The following TBCA variants were observed in gnomAD, a reference collection of about 807,000 sequenced individuals.
TBCA encodes tubulin-specific chaperone A.
A neutral mutation model predicts 15.8 loss-of-function variants in TBCA; 6 were observed. The observed-to-expected ratio is 0.38, with a 90% CI of 0.21 to 0.75. The LOEUF is 0.75. Ranked by LOEUF, TBCA falls within the 30% of genes least tolerant of loss-of-function variation. The pLI, the probability that TBCA is intolerant of heterozygous loss-of-function variation, is 0.46. For synonymous variants in TBCA, 32 were observed against 42.3 expected (o/e 0.76, Z 0.94); for missense variants, 90 against 131.2 (o/e 0.69, Z 1.53).
chr5:77,747,401 A>G (rs182211699), intron 1 of TBCA, among the ~76,000 whole-genome samples: 10 of 152,316 alleles, frequency 6.6e-5, no homozygotes, highest in Admixed American at 5.9e-4. Context: ...TACTACATTA[A>G]GAACTCTTAA....
rs71608120 is a variant in TBCA at position 77,708,221 on chromosome 5, TTATTTATGATA to T, written c.159+10_159+20del. ...GGCATTCTGTAAATGTTAGCTATTG[TTATTTATGATA>T]TAATTTTACCTGCTTTTTAATGTCA... On this transcript the variant is annotated intron_variant, in intron 2 of 3. Transcript: ENST00000380377. 0.11 allele frequency: 165,490 copies of T among 1,525,864 alleles called. 9,796 individuals carry two copies. The highest frequency in any genetic ancestry group is 0.16 in the Middle Eastern group (759 of 4,744). The allele number at this position is 1,525,864 out of a possible 1,614,324, so 94.5% of individuals were successfully genotyped here. A position where few individuals can be genotyped will look rare whatever the true frequency, so the allele number is the denominator to read the frequency against.
chr5:77,697,201 T>C (rs554072809), intron 2 of TBCA, among the ~76,000 whole-genome samples: 1 of 152,120 alleles, frequency 6.6e-6, no homozygotes, highest in Non-Finnish European at 1.5e-5. Flanking sequence ...TAGATGAAAA[T>C]CAGTAAAGGT....
At chr5:77,701,749 A>G (rs928753925) in intron 2 of TBCA, among the ~76,000 whole-genome samples, 1 of 136,650 alleles carries the variant, frequency 7.3e-6, no homozygotes, top group Non-Finnish European at 1.6e-5. Flanking sequence ...CTCAGCCACA[A>G]ATAGCAATGA....
intron 2 of TBCA, chr5:77,705,630 C>T: frequency 5.0e-6 from 2 of 398,466 alleles, no homozygotes; most frequent in Non-Finnish European, 8.8e-6. Context: ...GAGTTGAAGA[C>T]CAGCCTAAAC....
intron 2 of TBCA, chr5:77,705,605 A>AT (rs1236575460): frequency 7.5e-6 from 3 of 398,496 alleles, no homozygotes; most frequent in Non-Finnish European, 8.8e-6. Flanking sequence ...GGGTGGGAGG[A>AT]TCACTGGAGG....
At chr5:77,749,277 T>C (rs1266113004) in intron 1 of TBCA, among the ~76,000 whole-genome samples, 1 of 152,254 alleles carries the variant, frequency 6.6e-6, no homozygotes, top group Non-Finnish European at 1.5e-5. Context: ...AAGAGGTGGC[T>C]ACAAAATTAT....
At chr5:77,719,364 A>G (rs907062769) in intron 1 of TBCA, among the ~76,000 whole-genome samples, 2 of 152,204 alleles carry the variant, frequency 1.3e-5, no homozygotes, top group African/African-American at 2.4e-5. Context: ...CCATGGTTCA[A>G]TATCTGAATA....
intron 1 of TBCA, among the ~76,000 whole-genome samples, chr5:77,727,488 G>A (rs185302203): frequency 2.0e-4 from 30 of 152,110 alleles, no homozygotes; most frequent in Non-Finnish European, 2.8e-4. Flanking sequence ...AAATGAGTAC[G>A]AGAACAATAC....
intron 2 of TBCA, chr5:77,705,539 G>A (rs755188726): frequency 5.8e-5 from 23 of 398,490 alleles, no homozygotes; most frequent in East Asian, 2.5e-4. Flanking sequence ...TCATAAAGGC[G>A]GACAAGGCCA....
At chr5:77,775,874 G>A (rs919300316) in intron 1 of TBCA, among the ~76,000 whole-genome samples, 1 of 152,198 alleles carries the variant, frequency 6.6e-6, no homozygotes, top group African/African-American at 2.4e-5. Context: ...CACACAGGAG[G>A]CACGGGATCA....
intron 1 of TBCA, among the ~76,000 whole-genome samples, chr5:77,770,438 A>G (rs1747878865): frequency 6.6e-6 from 1 of 152,210 alleles, no homozygotes; most frequent in Non-Finnish European, 1.5e-5. Flanking sequence ...TATGTTAGCT[A>G]GTTACAGAAG....
At chr5:77,713,840 T>C (rs1746336063) in intron 1 of TBCA, among the ~76,000 whole-genome samples, 1 of 151,622 alleles carries the variant, frequency 6.6e-6, no homozygotes, top group Non-Finnish European at 1.5e-5. Flanking sequence ...ATAAGATAAA[T>C]CTGATAGGTT....
chr5:77,759,126 T>C (rs1747546263), intron 1 of TBCA, among the ~76,000 whole-genome samples: 1 of 152,192 alleles, frequency 6.6e-6, no homozygotes, highest in South Asian at 2.1e-4. Context: ...ACTGTAACAA[T>C]AATATATCAG....
chr5:77,774,193 G>T (rs144019687), intron 1 of TBCA, among the ~76,000 whole-genome samples: 2 of 152,228 alleles, frequency 1.3e-5, no homozygotes, highest in African/African-American at 4.8e-5. Flanking sequence ...ACTCTAGTAT[G>T]GCATCACAGG....
At chr5:77,711,941 G>C (rs1198651439) in intron 1 of TBCA, among the ~76,000 whole-genome samples, 1 of 151,314 alleles carries the variant, frequency 6.6e-6, no homozygotes, top group Non-Finnish European at 1.5e-5. Flanking sequence ...CAGGAAACAA[G>C]TTATTGAATA....
chr5:77,739,317 C>T (rs915228635), intron 1 of TBCA, among the ~76,000 whole-genome samples: 3 of 151,860 alleles, frequency 2.0e-5, no homozygotes, highest in African/African-American at 7.3e-5. Flanking sequence ...AAAAATTAGC[C>T]GGGTGTGGTG....
At chr5:77,757,026 A>G (rs1190319136) in intron 1 of TBCA, among the ~76,000 whole-genome samples, 1 of 152,178 alleles carries the variant, frequency 6.6e-6, no homozygotes, top group East Asian at 1.9e-4. Context: ...ACAGGAAACA[A>G]ATACAGAAAC....
chr5:77,732,550 C>CACAAAAA (rs1236069449), intron 1 of TBCA, among the ~76,000 whole-genome samples: 9 of 89,490 alleles, frequency 1.0e-4, no homozygotes, highest in African/African-American at 3.6e-4. Context: ...GACTCTGTCT[C>CACAAAAA]AAAAAAAAAA....
At chr5:77,765,093 CA>C (rs1199317419) in intron 1 of TBCA, among the ~76,000 whole-genome samples, 1 of 151,392 alleles carries the variant, frequency 6.6e-6, no homozygotes, top group Non-Finnish European at 1.5e-5. Context: ...CAAAACAAAA[CA>C]AAAAATAGAA....
Sources: allele counts gnomAD v4.1 joint callset (sites outside exome capture counted in the v4.1 genomes callset), GRCh38; gene constraint gnomAD v4.1.1; transcripts MANE v1.5; gene names NCBI Gene and HGNC (gene_info 2026-07-23, HGNC 2026-07-21).